Variants in C4BPA observed in about 807,000 individuals in gnomAD.
C4BPA encodes complement component 4 binding protein alpha.
In C4BPA, 31 loss-of-function variants were observed where a neutral mutation model predicts 63.7. The observed-to-expected ratio is 0.49, with a 90% CI of 0.37 to 0.66. The LOEUF (loss-of-function observed/expected upper bound fraction) is 0.66. C4BPA is among the 30% of genes least tolerant of loss of function. The probability of loss-of-function intolerance (pLI) is 0.00; values close to 1 mark genes in which losing one functional copy is unlikely to be tolerated. For synonymous variants in C4BPA, 259 were observed against 254.7 expected (o/e 1.02, Z -0.16); for missense variants, 572 against 723.3 (o/e 0.79, Z 2.40).
chr1:207,108,967 C>G (rs138799682), intron 1 of C4BPA, among the ~76,000 whole-genome samples: 2 of 151,954 alleles, frequency 1.3e-5, no homozygotes, highest in African/African-American at 2.4e-5. Flanking sequence ...GTGATCTGCC[C>G]GCCTCAGCCT....
At chr1:207,136,828 C>G (rs1194362832) in intron 9 of C4BPA, among the ~76,000 whole-genome samples, 1 of 152,192 alleles carries the variant, frequency 6.6e-6, no homozygotes, top group Non-Finnish European at 1.5e-5. Flanking sequence ...GCTCTGGGAA[C>G]AGTACCCTCC....
intron 1 of C4BPA, among the ~76,000 whole-genome samples, chr1:207,105,511 C>T (rs542765676): frequency 3.5e-5 from 5 of 142,980 alleles, no homozygotes; most frequent in Admixed American, 1.5e-4. Context: ...GAGCTGAGAT[C>T]GTGCCATTGC....
chr1:207,140,660 A>G (rs1685394931), intron 9 of C4BPA, among the ~76,000 whole-genome samples: 1 of 152,170 alleles, frequency 6.6e-6, no homozygotes, highest in African/African-American at 2.4e-5. Context: ...TTAAAATGCA[A>G]TATTTTCTTC....
chr1:207,129,104 TA>T (rs1461681842), intron 7 of C4BPA, among the ~76,000 whole-genome samples: 1 of 152,082 alleles, frequency 6.6e-6, no homozygotes, highest in Non-Finnish European at 1.5e-5. Flanking sequence ...AGATAGAAAT[TA>T]TTTTAAAAAG....
chr1:207,144,098 G>A (rs1685480793), intron 11 of C4BPA, 105 bp downstream of exon 11: 3 of 831,292 alleles, frequency 3.6e-6, no homozygotes, highest in Admixed American at 6.8e-5. Flanking sequence ...GACTTGTCAG[G>A]ATTCATTTCT....
At chr1:207,122,005 T>C (rs908397921) in intron 4 of C4BPA, among the ~76,000 whole-genome samples, 10 of 152,206 alleles carry the variant, frequency 6.6e-5, no homozygotes, top group African/African-American at 2.4e-4. Context: ...TACCCTCTCT[T>C]CCCTGTCTCT....
intron 1 of C4BPA, among the ~76,000 whole-genome samples, chr1:207,111,384 T>A (rs762114578): frequency 2.6e-5 from 4 of 152,198 alleles, no homozygotes; most frequent in Non-Finnish European, 5.9e-5. Flanking sequence ...TGAATTTACG[T>A]ATTGGCAGAA....
intron 10 of C4BPA, among the ~76,000 whole-genome samples, 184 bp downstream of exon 10, chr1:207,141,460 C>T (rs577352423): frequency 6.6e-6 from 1 of 152,328 alleles, no homozygotes; most frequent in Non-Finnish European, 1.5e-5. Context: ...AAACATTAAT[C>T]TCCTCCATTT....
In C4BPA at chr1:207,131,747, TTTTG is replaced by T. The variant is rs1685166240; in HGVS notation, c.1084+11_1084+14del. On this transcript the variant is annotated splice_region_variant and intron_variant, in intron 8 of 11. Transcript: ENST00000367070. ...CCATACCAAGGATGTGAGGGTGAGT[TTTTG>T]TTTTTTAATATTTTTGTATATTAAA... 5 of 1,596,644 alleles carry T rather than the reference TTTTG, an allele frequency of 3.1e-6. No homozygotes were observed. The East Asian group carries it at 1.1e-4, about 36-fold the overall frequency.
At chr1:207,137,506 T>C (rs924158998) in intron 9 of C4BPA, among the ~76,000 whole-genome samples, 1 of 152,194 alleles carries the variant, frequency 6.6e-6, no homozygotes, top group African/African-American at 2.4e-5. Flanking sequence ...TTCTGGATCA[T>C]AGGTAGATTT....
At chr1:207,137,877 C>T (rs1023196594) in intron 9 of C4BPA, among the ~76,000 whole-genome samples, 3 of 152,300 alleles carry the variant, frequency 2.0e-5, no homozygotes, top group Admixed American at 6.5e-5. Flanking sequence ...CTCGGCCTCC[C>T]GAAGTGCTGG....
chr1:207,107,438 A>G (rs1471420476), intron 1 of C4BPA, among the ~76,000 whole-genome samples: 1 of 152,188 alleles, frequency 6.6e-6, no homozygotes, highest in Non-Finnish European at 1.5e-5. Flanking sequence ...GGTCCCAGCT[A>G]CTGGGGAGAC....
In C4BPA at chr1:207,135,655, C is replaced by A. The variant is rs894512957; in HGVS notation, c.1273+1063C>A. ...CCATCCCCTGGTTCCTGGACCCATG[C>A]ATTTATTTTACTGGGGACCCAGAGC... On this transcript the variant is annotated intron_variant, in intron 9 of 11. Coordinates refer to ENST00000367070, the MANE Select transcript of C4BPA (RefSeq NM_000715.4). Among the ~76,000 whole-genome samples, 7 of 152,280 alleles carry A rather than the reference C, an allele frequency of 4.6e-5. 1 individual carries two copies. The highest frequency in any genetic ancestry group is 6.8e-3 in the Middle Eastern group (2 of 294).
intron 1 of C4BPA, among the ~76,000 whole-genome samples, chr1:207,107,461 A>T (rs1684584069): frequency 6.6e-6 from 1 of 152,218 alleles, no homozygotes; most frequent in Non-Finnish European, 1.5e-5. Flanking sequence ...AGGTGGGAGC[A>T]TCATTCGAGT....
chr1:207,117,036 A>G (rs528138964), intron 4 of C4BPA, among the ~76,000 whole-genome samples: 5 of 152,344 alleles, frequency 3.3e-5, no homozygotes, highest in East Asian at 1.9e-4. Flanking sequence ...TTAATAGCCA[A>G]TATGGGTAGA....
At chr1:207,106,986 T>G (rs943843452) in intron 1 of C4BPA, among the ~76,000 whole-genome samples, 4 of 152,194 alleles carry the variant, frequency 2.6e-5, no homozygotes, top group Non-Finnish European at 5.9e-5. Flanking sequence ...ATAAACACCT[T>G]CCTTGTCTTC....
At position 207,126,742 on chromosome 1, in the gene C4BPA, C is replaced by T. The variant is rs770073041; in HGVS notation, c.736C>T (p.His246Tyr). The stretch of plus-strand genomic sequence containing the variant: ...CACCTGTCGCAAGCCAGATGTTTCA[C>T]ATGGGGAAATGGTCTCTGGATTTGG... ...KITCRKPDVSHGEMVSGFGPI... is the reference protein window; with the variant it reads ...KITCRKPDVSYGEMVSGFGPI... The change falls in exon 7 of 12, where the codon CAT (histidine) becomes TAT (tyrosine). Residue 246 changes from histidine to tyrosine, a missense_variant. By Grantham distance (83) the His-to-Tyr change is moderately conservative (BLOSUM62 2). Coordinates refer to ENST00000367070, the MANE Select transcript of C4BPA (RefSeq NM_000715.4). 6.2e-6 allele frequency: 10 copies of T among 1,609,278 alleles called. No homozygotes were observed. Among genetic ancestry groups the T allele is most frequent in the Non-Finnish European group, 2.5e-6 (3 of 1,177,518 alleles).
intron 10 of C4BPA, 76 bp from the exon 11 acceptor site, chr1:207,143,742 T>G: frequency 3.0e-6 from 3 of 1,005,998 alleles, no homozygotes; most frequent in South Asian, 2.9e-5. Context: ...ATACAGTTCA[T>G]TCTTATTATC....
At chr1:207,116,516 A>ATGTGTGTGTG (rs57449727) in intron 4 of C4BPA, among the ~76,000 whole-genome samples, 38 of 80,010 alleles carry the variant, frequency 4.7e-4, no homozygotes, top group Non-Finnish European at 8.9e-4. Flanking sequence ...GTGTGTGTAT[A>ATGTGTGTGTG]TGTGTGTGTG....
Sources: gnomAD v4.1 joint callset for allele counts (sites outside exome capture counted in the v4.1 genomes callset) on GRCh38, gnomAD v4.1.1 for gene constraint, MANE v1.5 for transcripts, NCBI Gene and HGNC (gene_info 2026-07-23, HGNC 2026-07-21) for gene names.